NEK6: variants seen among roughly 807,000 people sequenced by gnomAD.
The protein encoded by NEK6 is serine/threonine-protein kinase Nek6.
Under a neutral mutation model 43.5 loss-of-function variants are expected in NEK6, and 27 were observed. That is an observed-to-expected ratio of 0.62 (90% CI 0.46 to 0.86). The LOEUF is 0.86. NEK6 is among the 40% of genes least tolerant of loss of function. The pLI is 0.00. For synonymous variants in NEK6, 167 were observed against 164.1 expected (o/e 1.02, Z -0.14); for missense variants, 318 against 414.4 (o/e 0.77, Z 2.02).
In NEK6 at chr9:124,324,893, G is replaced by A. The variant is rs115729791; in HGVS notation, c.406-1437G>A. On this transcript the variant is annotated intron_variant, in intron 5 of 9. Coordinates refer to ENST00000320246, the MANE Select transcript of NEK6 (RefSeq NM_014397.6). This position sits in a 1 kb window ranked among gnomAD's most constrained non-coding sequence, Gnocchi z 5.3. ...GGTGTTATTAGAAGTGGGCTAAGGG[G>A]GCCAGGCGTGGTGGCTCACGCCTGT... is the stretch of plus-strand genomic sequence containing the variant. 1.8e-3 allele frequency among the ~76,000 whole-genome samples: 270 copies of A among 152,294 alleles called. 1 individual carries two copies. The highest frequency in any genetic ancestry group is 6.4e-3 in the African/African-American group (264 of 41,558).
intron 8 of NEK6, among the ~76,000 whole-genome samples, chr9:124,340,041 G>A (rs1466135420): frequency 6.6e-6 from 1 of 152,018 alleles, no homozygotes; most frequent in Non-Finnish European, 1.5e-5. Context: ...GGCACCTGGG[G>A]TCAGGAGAGG....
intron 4 of NEK6, among the ~76,000 whole-genome samples, chr9:124,315,319 G>T (rs1439365288): frequency 1.3e-5 from 2 of 152,278 alleles, no homozygotes; most frequent in Admixed American, 1.3e-4. Flanking sequence ...GGAGGTTGGG[G>T]AGACAGAAGG....
intron 2 of NEK6, 54 bp downstream of exon 2, chr9:124,302,108 A>T: frequency 1.5e-6 from 2 of 1,328,678 alleles, no homozygotes; most frequent in East Asian, 2.5e-5. Context: ...AGGAATACGG[A>T]TCCCTGAGCC....
rs1017155598 is a variant in NEK6 at position 124,326,589 on chromosome 9, A to G, written c.514+151A>G. The G allele has an allele frequency of 1.1e-4, 69 of 619,900 alleles. 1 individual carries two copies. The highest frequency in any genetic ancestry group is 1.0e-4 in the Admixed American group (4 of 39,420). 38.4% of individuals were successfully genotyped at this position (619,900 alleles called of 1,614,324 possible). A position where few individuals can be genotyped will look rare whatever the true frequency, so the allele number is the denominator to read the frequency against. On this transcript the variant is annotated intron_variant, in intron 6 of 9. Transcript: ENST00000320246. This position sits in a 1 kb window ranked among gnomAD's most constrained non-coding sequence, Gnocchi z 4.5. Reference sequence around the variant, plus strand: ...CAAGGGGGCTGCCCAGCAACCGCGCACACACACGCGCCCGGGTCAGGAACC... The same window carrying G: ...CAAGGGGGCTGCCCAGCAACCGCGCGCACACACGCGCCCGGGTCAGGAACC...
intron 2 of NEK6, among the ~76,000 whole-genome samples, chr9:124,306,233 C>T (rs1833249538): frequency 6.6e-6 from 1 of 152,054 alleles, no homozygotes; most frequent in Admixed American, 6.6e-5. Flanking sequence ...AGCTGGAACT[C>T]TTTGTGGTTT....
Position 124,350,963 on chromosome 9 carries a change from GC to G in NEK6, c.*18del. Reference sequence around the variant, plus strand: ...CAGCACCTGAGCGTGGATGCACCGTGCCTTATCAAAGCCAGCACCACTTTGC... The same window carrying G: ...CAGCACCTGAGCGTGGATGCACCGTGCTTATCAAAGCCAGCACCACTTTGC... On this transcript the variant is annotated 3_prime_UTR_variant, in exon 10 of 10. Transcript: ENST00000320246. The G allele has an allele frequency of 6.3e-7, 1 of 1,583,902 alleles. No individual in the cohort carries two copies.
chr9:124,341,906 C>T (rs569689038), intron 8 of NEK6, among the ~76,000 whole-genome samples: 14 of 152,248 alleles, frequency 9.2e-5, no homozygotes, highest in African/African-American at 2.9e-4. Flanking sequence ...GGGGAGGGTG[C>T]GTGCCTGTTA....
intron 1 of NEK6, among the ~76,000 whole-genome samples, chr9:124,273,530 G>A (rs955558554): frequency 6.6e-6 from 1 of 152,164 alleles, no homozygotes; most frequent in African/African-American, 2.4e-5. Flanking sequence ...CCCTTCCTGG[G>A]ACCGACAGCC....
chr9:124,302,114 G>C, intron 2 of NEK6, 60 bp downstream of exon 2: 1 of 1,293,122 alleles, frequency 7.7e-7, no homozygotes, highest in Non-Finnish European at 1.1e-6. Flanking sequence ...ACGGATCCCT[G>C]AGCCTCCTTT....
intron 7 of NEK6, among the ~76,000 whole-genome samples, chr9:124,338,656 T>C (rs1588537525): frequency 6.6e-6 from 1 of 152,186 alleles, no homozygotes; most frequent in Non-Finnish European, 1.5e-5. Flanking sequence ...AATTGGCGGG[T>C]GGCCATGGGC....
intron 2 of NEK6, 67 bp downstream of exon 2, chr9:124,302,121 CT>C: frequency 8.2e-7 from 1 of 1,223,872 alleles, no homozygotes; most frequent in Non-Finnish European, 1.1e-6. Flanking sequence ...CCTGAGCCTC[CT>C]TTGTCCAAAC....
At chr9:124,314,537 CTG>C (rs970512157) in intron 4 of NEK6, among the ~76,000 whole-genome samples, 1 of 151,634 alleles carries the variant, frequency 6.6e-6, no homozygotes, top group African/African-American at 2.4e-5. Flanking sequence ...GTTGCCTGGA[CTG>C]TAGTGCAGTG....
At chr9:124,287,810 G>A (rs1832229511) in intron 1 of NEK6, among the ~76,000 whole-genome samples, 2 of 152,184 alleles carry the variant, frequency 1.3e-5, no homozygotes, top group African/African-American at 4.8e-5. Flanking sequence ...AGGTGACAGA[G>A]TGACACTGTC....
intron 1 of NEK6, among the ~76,000 whole-genome samples, chr9:124,266,104 G>T (rs1320745916): frequency 6.6e-6 from 1 of 152,212 alleles, no homozygotes; most frequent in Admixed American, 6.5e-5. Flanking sequence ...GAGAGGGCTG[G>T]GGTGAAGGGC....
At chr9:124,265,024 T>G (rs970829258) in intron 1 of NEK6, among the ~76,000 whole-genome samples, 1 of 151,968 alleles carries the variant, frequency 6.6e-6, no homozygotes, top group African/African-American at 2.4e-5. Flanking sequence ...TAAATCCACA[T>G]AGACCTAAAG....
chr9:124,295,868 C>G (rs979975316), intron 1 of NEK6, among the ~76,000 whole-genome samples: 1 of 152,236 alleles, frequency 6.6e-6, no homozygotes, highest in Non-Finnish European at 1.5e-5. Context: ...AATGGCAGCT[C>G]TCTCCACTGT....
At chr9:124,258,341 G>A (rs942159801) in intron 1 of NEK6, 1 of 985,050 alleles carries the variant, frequency 1.0e-6, no homozygotes, top group African/African-American at 1.7e-5. Flanking sequence ...GCACCCCGGA[G>A]CGTCTGGTGG....
chr9:124,316,526 G>A (rs944332), intron 4 of NEK6, among the ~76,000 whole-genome samples: 1,575 of 152,294 alleles, frequency 0.01, 21 homozygotes, highest in African/African-American at 0.036. Flanking sequence ...ACCACATTGC[G>A]TCTTTGCAGC....
intron 7 of NEK6, among the ~76,000 whole-genome samples, chr9:124,329,367 G>C (rs1828846351): frequency 6.6e-6 from 1 of 152,248 alleles, no homozygotes; most frequent in Non-Finnish European, 1.5e-5. Flanking sequence ...AAAAAAGACT[G>C]TGGCGCTCCG....
Sources: allele counts gnomAD v4.1 joint callset (sites outside exome capture counted in the v4.1 genomes callset), GRCh38; gene constraint gnomAD v4.1.1; non-coding constraint Gnocchi (gnomAD v3.1); transcripts MANE v1.5; gene names NCBI Gene and HGNC (gene_info 2026-07-23, HGNC 2026-07-21).